The following ARHGAP26 variants were observed in gnomAD, a reference collection of about 807,000 sequenced individuals.
ARHGAP26 encodes Rho GTPase activating protein 26.
ARHGAP26 carries 38 observed loss-of-function variants against 104.8 expected under a neutral mutation model. The observed-to-expected ratio is 0.36, with a 90% CI of 0.28 to 0.48. ARHGAP26 has a LOEUF of 0.48. Ranked by LOEUF, ARHGAP26 falls within the 20% of genes least tolerant of loss-of-function variation. The probability of loss-of-function intolerance (pLI) is 0.99; values close to 1 mark genes in which losing one functional copy is unlikely to be tolerated. For missense variants in ARHGAP26, 704 were observed against 947.9 expected (o/e 0.74, Z 3.38); for synonymous variants, 341 against 340.0 (o/e 1.00, Z -0.03).
intron 5 of ARHGAP26, among the ~76,000 whole-genome samples, chr5:142,891,758 T>C (rs574770744): frequency 2.2e-4 from 34 of 152,118 alleles, no homozygotes; most frequent in Non-Finnish European, 4.4e-4. Context: ...TTTCTGACTG[T>C]GTCATTTCTA....
intron 17 of ARHGAP26, among the ~76,000 whole-genome samples, chr5:143,107,324 G>A (rs547489690): frequency 2.0e-5 from 3 of 152,214 alleles, no homozygotes; most frequent in Admixed American, 2.0e-4. Flanking sequence ...TCAAGGATCT[G>A]GTATTCATTA....
At chr5:143,215,658 C>T (rs531907679) in intron 22 of ARHGAP26, among the ~76,000 whole-genome samples, 1 of 152,312 alleles carries the variant, frequency 6.6e-6, no homozygotes, top group Non-Finnish European at 1.5e-5. Flanking sequence ...CCAAGGCAAC[C>T]ACTCTTCTAC....
At position 143,017,943 on chromosome 5, in the gene ARHGAP26, A is replaced by G. The variant is rs141877410; in HGVS notation, c.1144+3827A>G. ...AGCACTCTCTTGTATTGTTCTCCAG[A>G]GTGGTCGATCCGCAGTCCCACCAAC... On this transcript the variant is annotated intron_variant, in intron 12 of 22. Coordinates refer to ENST00000645722, the MANE Select transcript of ARHGAP26 (RefSeq NM_001135608.3). Among the ~76,000 whole-genome samples, 25 of 152,290 alleles carry G rather than the reference A, an allele frequency of 1.6e-4. No individual in the cohort carries two copies. In the East Asian group the frequency reaches 4.6e-3, roughly 28 times the overall value.
intron 14 of ARHGAP26, among the ~76,000 whole-genome samples, chr5:143,051,052 T>C (rs1301128626): frequency 6.6e-6 from 1 of 152,224 alleles, no homozygotes; most frequent in Non-Finnish European, 1.5e-5. Context: ...TACCTTTTCA[T>C]GTATATCTGT....
At chr5:143,188,113 C>A (rs1233876149) in intron 20 of ARHGAP26, among the ~76,000 whole-genome samples, 1 of 152,234 alleles carries the variant, frequency 6.6e-6, no homozygotes, top group Non-Finnish European at 1.5e-5. Context: ...GAAGCTTACA[C>A]ATATTTCCAG....
intron 1 of ARHGAP26, among the ~76,000 whole-genome samples, chr5:142,819,405 A>G (rs1765705837): frequency 6.6e-6 from 1 of 152,152 alleles, no homozygotes; most frequent in South Asian, 2.1e-4. Flanking sequence ...AGTCAGTCAC[A>G]CCCACAGGTG....
At chr5:143,035,581 G>GT (rs1782499805) in intron 12 of ARHGAP26, among the ~76,000 whole-genome samples, 1 of 152,148 alleles carries the variant, frequency 6.6e-6, no homozygotes, top group Admixed American at 6.5e-5. Context: ...TACAAATAGG[G>GT]TGCTGTGTAT....
intron 17 of ARHGAP26, among the ~76,000 whole-genome samples, chr5:143,111,731 A>G (rs1417570352): frequency 6.6e-6 from 1 of 152,248 alleles, no homozygotes. Context: ...ATATTATACA[A>G]TGCATATTAG....
At chr5:143,216,545 T>C in intron 22 of ARHGAP26, 1 of 327,626 alleles carries the variant, frequency 3.1e-6, no homozygotes, top group South Asian at 2.5e-5. Context: ...CTGCCACCTG[T>C]CACCTAACAA....
At chr5:142,899,458 A>G (rs1759961444) in intron 6 of ARHGAP26, among the ~76,000 whole-genome samples, 2 of 152,174 alleles carry the variant, frequency 1.3e-5, no homozygotes, top group South Asian at 4.1e-4. Context: ...AAGGATAGAG[A>G]AGGAGGCACA....
chr5:142,952,208 G>A (rs1768496374), intron 11 of ARHGAP26, among the ~76,000 whole-genome samples: 4 of 152,116 alleles, frequency 2.6e-5, no homozygotes. Flanking sequence ...TGGGGGTGAG[G>A]ACATGGACCT....
intron 20 of ARHGAP26, among the ~76,000 whole-genome samples, chr5:143,161,305 C>T (rs1801214819): frequency 6.6e-6 from 1 of 152,148 alleles, no homozygotes; most frequent in Non-Finnish European, 1.5e-5. Context: ...AGCCACTGCA[C>T]CCGGCCTCAG....
intron 18 of ARHGAP26, among the ~76,000 whole-genome samples, chr5:143,123,076 A>C (rs575504627): frequency 5.9e-5 from 9 of 152,316 alleles, no homozygotes; most frequent in African/African-American, 2.2e-4. Flanking sequence ...GTTTTGGGTG[A>C]ATGTGACAGC....
chr5:143,014,363 C>G, intron 12 of ARHGAP26: 1 of 570,674 alleles, frequency 1.8e-6, no homozygotes, highest in Non-Finnish European at 3.1e-6. Flanking sequence ...TCACACTTTA[C>G]AAAGCATTCT....
intron 11 of ARHGAP26, among the ~76,000 whole-genome samples, chr5:142,965,449 A>G (rs898339489): frequency 6.6e-5 from 10 of 152,210 alleles, no homozygotes; most frequent in African/African-American, 7.2e-5. Context: ...AGACGCTGGC[A>G]TCACCGCTAG....
At chr5:142,892,302 G>A (rs1426095776) in intron 5 of ARHGAP26, among the ~76,000 whole-genome samples, 1 of 151,910 alleles carries the variant, frequency 6.6e-6, no homozygotes, top group Non-Finnish European at 1.5e-5. Flanking sequence ...CAGGGTATGG[G>A]GAGACAGTGG....
chr5:142,895,356 C>T (rs1598129685), intron 6 of ARHGAP26, among the ~76,000 whole-genome samples: 1 of 151,934 alleles, frequency 6.6e-6, no homozygotes, highest in Admixed American at 6.6e-5. Context: ...TCAGCCTCCT[C>T]AGTAGCTGGG....
chr5:142,902,119 C>A, intron 7 of ARHGAP26, 80 bp downstream of exon 7: 1 of 1,294,480 alleles, frequency 7.7e-7, no homozygotes, highest in South Asian at 1.3e-5. Flanking sequence ...AGAAACCATC[C>A]AGGTGGCTTG....
At chr5:142,835,027 G>A (rs1393645019) in intron 1 of ARHGAP26, among the ~76,000 whole-genome samples, 1 of 152,242 alleles carries the variant, frequency 6.6e-6, no homozygotes, top group African/African-American at 2.4e-5. Flanking sequence ...ACAGAGCCAG[G>A]ATGCCTGGGG....
Sources: gnomAD v4.1 joint callset for allele counts (sites outside exome capture counted in the v4.1 genomes callset) on GRCh38, gnomAD v4.1.1 for gene constraint, MANE v1.5 for transcripts, NCBI Gene and HGNC (gene_info 2026-07-23, HGNC 2026-07-21) for gene names.